The following PAG1 variants were observed in gnomAD, a reference collection of about 807,000 sequenced individuals.
The protein encoded by PAG1 is phosphoprotein membrane anchor with glycosphingolipid microdomains 1, also known as phosphoprotein associated with glycosphingolipid-enriched microdomains 1.
In PAG1, 23 loss-of-function variants were observed where a neutral mutation model predicts 31.7. The ratio of observed to expected loss-of-function variants is 0.73; its 90% CI spans 0.52 to 1.03. The LOEUF (loss-of-function observed/expected upper bound fraction) is 1.03. PAG1 is among the 50% of genes least tolerant of loss of function. PAG1 has a pLI of 0.00. For missense variants in PAG1, 473 were observed against 540.7 expected (o/e 0.87, Z 1.24); for synonymous variants, 214 against 210.3 (o/e 1.02, Z -0.15).
At chr8:81,000,564 C>T (rs1339136245) in intron 3 of PAG1, among the ~76,000 whole-genome samples, 1 of 152,160 alleles carries the variant, frequency 6.6e-6, no homozygotes, top group South Asian at 2.1e-4. Context: ...CCTCAGCCTC[C>T]TGAGTAGCTG....
chr8:81,032,823 C>G (rs1808398342), intron 2 of PAG1, among the ~76,000 whole-genome samples: 1 of 152,150 alleles, frequency 6.6e-6, no homozygotes, highest in South Asian at 2.1e-4. Context: ...AACAATGCCC[C>G]TCAACTGGTG....
At chr8:81,002,155 G>T (rs1265625828) in intron 3 of PAG1, among the ~76,000 whole-genome samples, 1 of 151,942 alleles carries the variant, frequency 6.6e-6, no homozygotes, top group African/African-American at 2.4e-5. Flanking sequence ...GTCACGCTCT[G>T]TTAAGCATTG....
At chr8:80,979,578 C>T (rs1167305009) in intron 8 of PAG1, among the ~76,000 whole-genome samples, 3 of 152,150 alleles carry the variant, frequency 2.0e-5, no homozygotes. Flanking sequence ...CTAGGGAAAG[C>T]ATTTTTGCTC....
chr8:81,020,379 T>C (rs918455058), intron 3 of PAG1, among the ~76,000 whole-genome samples: 2 of 152,188 alleles, frequency 1.3e-5, no homozygotes, highest in Admixed American at 6.5e-5. Context: ...TCTTAAATTG[T>C]AGCTCCCATG....
chr8:81,029,598 A>G (rs913422579), intron 3 of PAG1, among the ~76,000 whole-genome samples: 2 of 152,162 alleles, frequency 1.3e-5, no homozygotes, highest in Non-Finnish European at 2.9e-5. Context: ...TGAATACAGC[A>G]TATATTTTAT....
chr8:81,014,171 G>A lies in PAG1; in HGVS notation c.-81+15825C>T, dbSNP rs142961575. Among the ~76,000 whole-genome samples, 4 of 152,302 alleles carry A rather than the reference G, an allele frequency of 2.6e-5. No individual in the cohort carries two copies. In the East Asian group the frequency reaches 7.7e-4, roughly 29 times the overall value. Reference sequence around the variant, plus strand: ...CTAAAAGATATTATGTGTAAATAGAGTCATCAAATTTAGAATATCAAGCCC... The same window carrying A: ...CTAAAAGATATTATGTGTAAATAGAATCATCAAATTTAGAATATCAAGCCC... On this transcript the variant is annotated intron_variant, in intron 3 of 8. Coordinates refer to ENST00000220597, the MANE Select transcript of PAG1 (RefSeq NM_018440.4).
At chr8:80,998,662 A>G (rs1807730834) in intron 3 of PAG1, among the ~76,000 whole-genome samples, 1 of 152,158 alleles carries the variant, frequency 6.6e-6, no homozygotes, top group Non-Finnish European at 1.5e-5. Context: ...TCTTTGGCCA[A>G]ACATCCTTAA....
intron 3 of PAG1, among the ~76,000 whole-genome samples, chr8:80,996,578 T>C (rs66645039): frequency 0.097 from 14,630 of 151,512 alleles, 1,112 homozygotes; most frequent in African/African-American, 0.2. Flanking sequence ...TCCTGGTAAA[T>C]GTGTGTCGGT....
At chr8:81,049,391 T>C (rs1280404321) in intron 2 of PAG1, among the ~76,000 whole-genome samples, 3 of 152,218 alleles carry the variant, frequency 2.0e-5, no homozygotes, top group Non-Finnish European at 2.9e-5. Flanking sequence ...TAATGTACAA[T>C]GCTGCAGAAA....
intron 3 of PAG1, among the ~76,000 whole-genome samples, chr8:80,999,338 G>A (rs796713059): frequency 3.9e-5 from 6 of 152,338 alleles, no homozygotes; most frequent in African/African-American, 1.4e-4. Flanking sequence ...CCTGCACTGA[G>A]TCAGGGGCAG....
chr8:81,077,443 C>T (rs1389113565), intron 1 of PAG1, among the ~76,000 whole-genome samples: 1 of 152,166 alleles, frequency 6.6e-6, no homozygotes, highest in East Asian at 1.9e-4. Context: ...AAATAAATAA[C>T]AACCCACAGA....
At chr8:81,013,095 A>G (rs1375034095) in intron 3 of PAG1, among the ~76,000 whole-genome samples, 1 of 152,230 alleles carries the variant, frequency 6.6e-6, no homozygotes, top group East Asian at 1.9e-4. Flanking sequence ...GCCAACTTAA[A>G]AGGCAGAGGT....
At chr8:80,995,633 G>A (rs1807657951) in intron 3 of PAG1, among the ~76,000 whole-genome samples, 1 of 152,190 alleles carries the variant, frequency 6.6e-6, no homozygotes, top group Admixed American at 6.5e-5. Flanking sequence ...TCCTGTGCAG[G>A]CATCTGTTTG....
chr8:80,989,002 C>T lies in PAG1; in HGVS notation c.178-1536G>A, dbSNP rs149781881. 1.8e-3 allele frequency among the ~76,000 whole-genome samples: 279 copies of T among 152,304 alleles called. 2 individuals carry two copies. The highest frequency in any genetic ancestry group is 5.6e-3 in the African/African-American group (234 of 41,564). On this transcript the variant is annotated intron_variant, in intron 5 of 8. Transcript: ENST00000220597. ...CTCCCTGTTCTTCTCACAGCCTGCA[C>T]GTTCCAAGAGGCTATCTCATGCTCC...
At chr8:81,022,880 C>T (rs1398742216) in intron 3 of PAG1, among the ~76,000 whole-genome samples, 4 of 152,138 alleles carry the variant, frequency 2.6e-5, no homozygotes, top group African/African-American at 9.7e-5. Flanking sequence ...CAGCTGACTA[C>T]CCCATTGGCC....
intron 2 of PAG1, among the ~76,000 whole-genome samples, chr8:81,051,991 G>A (rs1018066331): frequency 8.6e-5 from 13 of 151,946 alleles, no homozygotes; most frequent in African/African-American, 2.9e-4. Context: ...TTAGCCGGGC[G>A]TGGTGGTGGG....
intron 1 of PAG1, among the ~76,000 whole-genome samples, chr8:81,076,099 CCTCCGGGAACAGAA>C (rs752627567): frequency 3.3e-5 from 5 of 152,158 alleles, no homozygotes; most frequent in Non-Finnish European, 7.3e-5. Context: ...GGTGACCTGG[CCTCCGGGAACAGAA>C]CCTGTTCTGC....
At chr8:81,071,683 A>T (rs994692071) in intron 1 of PAG1, among the ~76,000 whole-genome samples, 7 of 152,230 alleles carry the variant, frequency 4.6e-5, no homozygotes, top group African/African-American at 1.7e-4. Context: ...TGTGCTATAT[A>T]CAAGGGGCAC....
intron 2 of PAG1, among the ~76,000 whole-genome samples, chr8:81,057,804 T>C (rs573001901): frequency 1.3e-5 from 2 of 152,362 alleles, no homozygotes; most frequent in South Asian, 4.1e-4. Context: ...TGTACTAGAA[T>C]ATCAAAGTCC....
Sources: gnomAD v4.1 joint callset for allele counts (sites outside exome capture counted in the v4.1 genomes callset) on GRCh38, gnomAD v4.1.1 for gene constraint, MANE v1.5 for transcripts, NCBI Gene and HGNC (gene_info 2026-07-23, HGNC 2026-07-21) for gene names.